Variants in MYOM2 observed in about 807,000 individuals in gnomAD.
The protein encoded by MYOM2 is myomesin-2.
MYOM2 carries 254 observed loss-of-function variants against 187.6 expected under a neutral mutation model. The observed-to-expected ratio is 1.35, with a 90% CI of 1.22 to 1.50. The LOEUF (loss-of-function observed/expected upper bound fraction) is 1.50. Ranked by LOEUF, MYOM2 falls within the 40% of genes most tolerant of loss-of-function variation. The pLI, the probability that MYOM2 is intolerant of heterozygous loss-of-function variation, is 0.00. For missense variants in MYOM2, 2,796 were observed against 1,924.0 expected (o/e 1.45, Z -8.48); for synonymous variants, 981 against 753.8 (o/e 1.30, Z -4.94).
chr8:2,081,516 G>T (rs959473677), intron 13 of MYOM2, among the ~76,000 whole-genome samples: 6 of 152,222 alleles, frequency 3.9e-5, no homozygotes, highest in Non-Finnish European at 8.8e-5. Context: ...CCCGGATCAC[G>T]CTGAGTGGAT....
chr8:2,100,321 G>C (rs1280128365), intron 19 of MYOM2: 2 of 152,424 alleles, frequency 1.3e-5, no homozygotes, highest in Non-Finnish European at 2.9e-5. Flanking sequence ...GGGTTGATAG[G>C]AGATGGCCTC....
intron 6 of MYOM2, among the ~76,000 whole-genome samples, chr8:2,068,633 A>C (rs1819106066): frequency 6.6e-6 from 1 of 151,806 alleles, no homozygotes; most frequent in East Asian, 1.9e-4. Flanking sequence ...TCTTCAATGC[A>C]CGTGTGCACC....
intron 34 of MYOM2, 58 bp from the exon 35 acceptor site, chr8:2,142,317 G>A (rs1001848996): frequency 1.9e-6 from 3 of 1,553,556 alleles, no homozygotes; most frequent in Middle Eastern, 1.7e-4. Context: ...CATTTTGTTG[G>A]AAGCATTTTC....
At chr8:2,059,048 G>GA in intron 5 of MYOM2, 105 bp from the exon 6 acceptor site, 1 of 885,150 alleles carries the variant, frequency 1.1e-6, no homozygotes, top group South Asian at 1.6e-5. Flanking sequence ...GGCTCTAAGG[G>GA]AAACCTGCAG....
At chr8:2,057,850 G>C in intron 5 of MYOM2, 70 bp downstream of exon 5, 2 of 1,537,752 alleles carry the variant, frequency 1.3e-6, no homozygotes. Flanking sequence ...CCCCAGTTAA[G>C]GAGACAAACG....
intron 2 of MYOM2, among the ~76,000 whole-genome samples, chr8:2,051,509 G>A (rs935102024): frequency 6.6e-6 from 1 of 152,238 alleles, no homozygotes; most frequent in African/African-American, 2.4e-5. Flanking sequence ...GCGTTCTGCA[G>A]CCCAGGTGCC....
intron 1 of MYOM2, among the ~76,000 whole-genome samples, chr8:2,045,640 TATCC>T (rs554789378): frequency 9.8e-4 from 150 of 152,376 alleles, no homozygotes; most frequent in African/African-American, 3.6e-3. Context: ...TAGCCTATAT[TATCC>T]ACGGTATGGG....
At chr8:2,101,825 C>A (rs535130820) in intron 20 of MYOM2, among the ~76,000 whole-genome samples, 2 of 152,382 alleles carry the variant, frequency 1.3e-5, no homozygotes, top group South Asian at 4.1e-4. Flanking sequence ...GATATACACA[C>A]AGTTTTCATA....
intron 28 of MYOM2, among the ~76,000 whole-genome samples, chr8:2,122,487 C>T (rs1010379967): frequency 6.6e-6 from 1 of 152,246 alleles, no homozygotes; most frequent in Non-Finnish European, 1.5e-5. Context: ...AAATTCTAAG[C>T]TGTGTTGCAC....
chr8:2,115,842 G>C (rs946169734), intron 25 of MYOM2, 118 bp from the exon 26 acceptor site: 2 of 1,175,594 alleles, frequency 1.7e-6, no homozygotes, highest in Non-Finnish European at 2.4e-6. Flanking sequence ...TTTCATTTTG[G>C]TTTCTTCCTA....
intron 36 of MYOM2, among the ~76,000 whole-genome samples, chr8:2,144,268 G>T (rs1463648258): frequency 6.6e-6 from 1 of 151,434 alleles, no homozygotes; most frequent in Non-Finnish European, 1.5e-5. Context: ...ATATTCAATG[G>T]GTTTGCCAGA....
chr8:2,090,139 C>G lies in MYOM2; in HGVS notation c.1776C>G (p.Gly592=). Reference sequence around the variant, plus strand: ...GAGTGCTGTCAGCAAACCGGCATGGCCTGAGCGAACCTTCGGAGATAACGT... The same window carrying G: ...GAGTGCTGTCAGCAAACCGGCATGGGCTGAGCGAACCTTCGGAGATAACGT... ...VFRVLSANRH[G]LSEPSEITSP... is the part of the protein sequence containing the mutation. Residue 592 remains glycine, a synonymous_variant, in exon 15 of 37, where the codon GGC becomes GGG. Coordinates refer to ENST00000262113, the MANE Select transcript of MYOM2 (RefSeq NM_003970.4). 4.3e-6 allele frequency: 7 copies of G among 1,614,052 alleles called. No homozygotes were observed. Among genetic ancestry groups the G allele is most frequent in the Non-Finnish European group, 5.9e-6 (7 of 1,179,994 alleles).
intron 25 of MYOM2, among the ~76,000 whole-genome samples, chr8:2,111,578 A>T (rs545325793): frequency 9.2e-5 from 14 of 152,260 alleles, no homozygotes; most frequent in African/African-American, 3.4e-4. Context: ...CCTGAAGTTT[A>T]CTCTTGATAT....
intron 30 of MYOM2, 47 bp from the exon 31 acceptor site, chr8:2,124,132 G>A (rs565370623): frequency 1.8e-5 from 28 of 1,564,056 alleles, no homozygotes; most frequent in Middle Eastern, 1.7e-4. Context: ...TGCTGCTTTC[G>A]GTTAAAGTTA....
intron 25 of MYOM2, among the ~76,000 whole-genome samples, chr8:2,114,830 C>T (rs1305795828): frequency 6.6e-5 from 10 of 151,956 alleles, no homozygotes; most frequent in Non-Finnish European, 7.4e-5. Flanking sequence ...GTTGCCCAAG[C>T]GATCCTCCTG....
At position 2,102,367 on chromosome 8, in the gene MYOM2, A is replaced by G. The variant is rs1585909904; in HGVS notation, c.2620-300A>G. The stretch of plus-strand genomic sequence containing the variant: ...ATTTGGTTCCACAGAATTATGTTAA[A>G]TATAAACACCAGATTATAAACTAGT... On this transcript the variant is annotated intron_variant, in intron 20 of 36. Transcript: ENST00000262113. 1.0e-5 allele frequency: 3 copies of G among 287,520 alleles called. No individual in the cohort carries two copies. The East Asian group carries it at 1.7e-4, about 16-fold the overall frequency. 17.8% of individuals were successfully genotyped at this position (287,520 alleles called of 1,614,324 possible).
Position 2,078,863 on chromosome 8 carries a change from C to T in MYOM2, c.1392C>T (p.Gly464=). The T allele has an allele frequency of 6.2e-7, 1 of 1,614,086 alleles. No homozygotes were observed. Among genetic ancestry groups the T allele is most frequent in the Non-Finnish European group, 8.5e-7 (1 of 1,179,942 alleles). Reference sequence around the variant, plus strand: ...GAGTGAGGGCAGTGAACAGTGCGGGCATCAGCCGACCCTCCAGGGTCTCTG... The same window carrying T: ...GAGTGAGGGCAGTGAACAGTGCGGGTATCAGCCGACCCTCCAGGGTCTCTG... ...IFRVRAVNSA[G]ISRPSRVSDA... is the part of the protein sequence containing the mutation. Residue 464 remains glycine (G), a synonymous_variant, in exon 12 of 37, where the codon GGC becomes GGT. Coordinates refer to ENST00000262113, the MANE Select transcript of MYOM2 (RefSeq NM_003970.4).
intron 11 of MYOM2, among the ~76,000 whole-genome samples, 186 bp from the exon 12 acceptor site, chr8:2,078,548 C>G (rs1161545572): frequency 6.6e-6 from 1 of 151,924 alleles, no homozygotes; most frequent in African/African-American, 2.4e-5. Context: ...ATATATATTG[C>G]ATTTTCTAAA....
chr8:2,073,856 T>C (rs1432652834), intron 10 of MYOM2, among the ~76,000 whole-genome samples: 1 of 152,226 alleles, frequency 6.6e-6, no homozygotes, highest in East Asian at 1.9e-4. Flanking sequence ...GGGCACAGTG[T>C]TGGAGTCCCA....
Sources: gnomAD v4.1 joint callset for allele counts (sites outside exome capture counted in the v4.1 genomes callset) on GRCh38, gnomAD v4.1.1 for gene constraint, MANE v1.5 for transcripts, NCBI Gene and HGNC (gene_info 2026-07-23, HGNC 2026-07-21) for gene names.